CARMIL1: variants seen among roughly 807,000 people sequenced by gnomAD.
The protein encoded by CARMIL1 is F-actin-uncapping protein LRRC16A.
Under a neutral mutation model 177.1 loss-of-function variants are expected in CARMIL1, and 90 were observed. The observed-to-expected ratio is 0.51, with a 90% CI of 0.43 to 0.61. The LOEUF is 0.61. Among genes scored for constraint, CARMIL1 ranks in the 20% least tolerant of loss-of-function variants. The pLI, the probability that CARMIL1 is intolerant of heterozygous loss-of-function variation, is 0.00. For missense variants in CARMIL1, 1,380 were observed against 1,667.0 expected (o/e 0.83, Z 3.00); for synonymous variants, 577 against 606.2 (o/e 0.95, Z 0.71).
intron 2 of CARMIL1, among the ~76,000 whole-genome samples, chr6:25,382,246 C>T (rs1236597878): frequency 6.6e-6 from 1 of 151,982 alleles, no homozygotes; most frequent in Admixed American, 6.5e-5. Context: ...TACAGGTGTA[C>T]GTCACCACGT....
At chr6:25,528,167 G>A (rs1340373677) in intron 23 of CARMIL1, among the ~76,000 whole-genome samples, 1 of 152,048 alleles carries the variant, frequency 6.6e-6, no homozygotes, top group African/African-American at 2.4e-5. Context: ...TAAAAATACA[G>A]AAATCTATTT....
intron 2 of CARMIL1, among the ~76,000 whole-genome samples, chr6:25,399,255 G>C (rs1357575936): frequency 6.6e-6 from 1 of 152,194 alleles, no homozygotes; most frequent in Non-Finnish European, 1.5e-5. Flanking sequence ...TACTATGACA[G>C]TCGTTCCAAG....
chr6:25,289,832 G>T (rs1195668302), intron 2 of CARMIL1, among the ~76,000 whole-genome samples: 1 of 152,218 alleles, frequency 6.6e-6, no homozygotes, highest in Non-Finnish European at 1.5e-5. Flanking sequence ...CTAGTTGATG[G>T]ACATCTGAGT....
rs1339738114 is a variant in CARMIL1 at position 25,609,946 on chromosome 6, T to A, written c.3848-104T>A. 16 of 1,324,844 alleles carry A rather than the reference T, an allele frequency of 1.2e-5. No individual in the cohort carries two copies. In the African/African-American group the frequency reaches 2.2e-4, roughly 19 times the overall value. The allele number at this position is 1,324,844 out of a possible 1,614,324, so 82.1% of individuals were successfully genotyped here. ...TTGGCCAGAAAAATTCTATGATGCT[T>A]TATTTTTTTAAATGACTTATTTTTA... On this transcript the variant is annotated intron_variant, in intron 35 of 36. Coordinates refer to ENST00000329474, the MANE Select transcript of CARMIL1 (RefSeq NM_017640.6).
chr6:25,373,787 G>A (rs1051337906), intron 2 of CARMIL1, among the ~76,000 whole-genome samples: 1 of 152,022 alleles, frequency 6.6e-6, no homozygotes, highest in African/African-American at 2.4e-5. Context: ...GTTTCACCAT[G>A]TTGGCCAGAA....
intron 23 of CARMIL1, 46 bp from the exon 24 acceptor site, chr6:25,528,749 C>T (rs1393526500): frequency 7.4e-7 from 1 of 1,360,456 alleles, no homozygotes; most frequent in South Asian, 1.2e-5. Context: ...TTATTCTCCG[C>T]TGGGTTGAAA....
intron 4 of CARMIL1, chr6:25,433,296 C>T (rs1796968338): frequency 6.6e-6 from 1 of 152,164 alleles, no homozygotes; most frequent in South Asian, 2.1e-4. Flanking sequence ...TAATTACTCG[C>T]ACCCAAACTG....
intron 29 of CARMIL1, among the ~76,000 whole-genome samples, chr6:25,561,730 G>T (rs1004642465): frequency 6.6e-6 from 1 of 152,120 alleles, no homozygotes; most frequent in Non-Finnish European, 1.5e-5. Context: ...TATTCACAGG[G>T]TCGCCAAGCA....
intron 22 of CARMIL1, among the ~76,000 whole-genome samples, chr6:25,518,112 G>T (rs933817245): frequency 1.3e-5 from 2 of 152,106 alleles, no homozygotes; most frequent in Non-Finnish European, 2.9e-5. Flanking sequence ...AAAAATAAGG[G>T]GCGGATGGCA....
At chr6:25,282,238 A>G (rs937805653) in intron 1 of CARMIL1, among the ~76,000 whole-genome samples, 1 of 152,100 alleles carries the variant, frequency 6.6e-6, no homozygotes, top group Non-Finnish European at 1.5e-5. Flanking sequence ...TTTAAAGGGT[A>G]TATGATTTTC....
At chr6:25,329,857 A>C (rs1165417950) in intron 2 of CARMIL1, among the ~76,000 whole-genome samples, 2 of 152,238 alleles carry the variant, frequency 1.3e-5, no homozygotes, top group Non-Finnish European at 2.9e-5. Flanking sequence ...GGGATTCAGC[A>C]TATGAGAAGT....
At chr6:25,375,421 C>A (rs1044244174) in intron 2 of CARMIL1, among the ~76,000 whole-genome samples, 4 of 152,174 alleles carry the variant, frequency 2.6e-5, no homozygotes, top group Non-Finnish European at 5.9e-5. Context: ...TCTTAGAATT[C>A]TTTCCTTCAT....
intron 24 of CARMIL1, among the ~76,000 whole-genome samples, chr6:25,536,960 C>T (rs1808361915): frequency 6.6e-6 from 1 of 152,132 alleles, no homozygotes; most frequent in African/African-American, 2.4e-5. Flanking sequence ...CAACCGGCAG[C>T]TCTAACGAAA....
intron 35 of CARMIL1, among the ~76,000 whole-genome samples, chr6:25,609,229 G>T (rs1398807396): frequency 1.3e-5 from 2 of 152,060 alleles, no homozygotes; most frequent in Non-Finnish European, 2.9e-5. Context: ...CACTTTGGGA[G>T]GCTGAGGCGG....
intron 2 of CARMIL1, among the ~76,000 whole-genome samples, chr6:25,369,290 A>G (rs931730808): frequency 2.0e-5 from 3 of 152,160 alleles, no homozygotes; most frequent in Admixed American, 6.5e-5. Context: ...CCATTAGAGC[A>G]AGGCTCAGTG....
intron 2 of CARMIL1, among the ~76,000 whole-genome samples, chr6:25,316,665 G>A (rs945602972): frequency 6.6e-6 from 1 of 152,112 alleles, no homozygotes; most frequent in African/African-American, 2.4e-5. Context: ...GCCTGCCTCG[G>A]CCTCCAAAAG....
intron 32 of CARMIL1, among the ~76,000 whole-genome samples, chr6:25,597,124 G>C (rs772496062): frequency 5.9e-5 from 9 of 152,128 alleles, no homozygotes; most frequent in Non-Finnish European, 1.0e-4. Flanking sequence ...GAAGTGAAAG[G>C]AGAATTGAGT....
chr6:25,296,915 ATCT>A (rs1782414533), intron 2 of CARMIL1, among the ~76,000 whole-genome samples: 1 of 35,024 alleles, frequency 2.9e-5, no homozygotes, highest in African/African-American at 1.7e-4. Flanking sequence ...CTATCTATCT[ATCT>A]ATCTATCTAT....
chr6:25,469,989 A>G (rs1169836338), intron 9 of CARMIL1, among the ~76,000 whole-genome samples: 1 of 152,022 alleles, frequency 6.6e-6, no homozygotes, highest in Non-Finnish European at 1.5e-5. Flanking sequence ...ACAACTCTTC[A>G]TTTTTCACTG....
Sources: gnomAD v4.1 joint callset for allele counts (sites outside exome capture counted in the v4.1 genomes callset) on GRCh38, gnomAD v4.1.1 for gene constraint, MANE v1.5 for transcripts, NCBI Gene and HGNC (gene_info 2026-07-23, HGNC 2026-07-21) for gene names.